Variants in VTI1A observed in about 807,000 individuals in gnomAD.
The protein encoded by VTI1A is vesicle transport through interaction with t-SNAREs 1A.
VTI1A carries 22 observed loss-of-function variants against 34.9 expected under a neutral mutation model. The ratio of observed to expected loss-of-function variants is 0.63; its 90% confidence interval spans 0.45 to 0.90. The LOEUF (loss-of-function observed/expected upper bound fraction) is 0.90, where lower values mean the gene tolerates loss of function less well. Among genes scored for constraint, VTI1A ranks in the 40% least tolerant of loss-of-function variants. The probability of loss-of-function intolerance (pLI) is 0.00; values close to 1 mark genes in which losing one functional copy is unlikely to be tolerated. For missense variants in VTI1A, 268 were observed against 275.6 expected (o/e 0.97, Z 0.20); for synonymous variants, 87 against 97.3 (o/e 0.89, Z 0.62).
rs377380504 is a variant in VTI1A, at chr10:112,503,751, C to T, written c.265-23336C>T. Among the ~76,000 whole-genome samples, 6 of 152,280 alleles carry T rather than the reference C, an allele frequency of 3.9e-5. No homozygotes were observed. In the South Asian group the frequency reaches 8.3e-4, roughly 21 times the overall value. ...AAGTTTTATTGCTTGTTGCTATCTACGTGAAATAGTGCATTTCTGTTGTAA... is the reference window on the plus strand; with the variant it reads ...AAGTTTTATTGCTTGTTGCTATCTATGTGAAATAGTGCATTTCTGTTGTAA... On this transcript the variant is annotated intron_variant, in intron 3 of 7. Transcript: ENST00000393077.
chr10:112,684,336 T>A (rs2133865421), intron 7 of VTI1A, among the ~76,000 whole-genome samples: 1 of 152,200 alleles, frequency 6.6e-6, no homozygotes, highest in East Asian at 1.9e-4. Flanking sequence ...AACATACAGG[T>A]TTTTTCTAGC....
At chr10:112,718,165 G>C (rs1246680294) in intron 7 of VTI1A, among the ~76,000 whole-genome samples, 1 of 152,142 alleles carries the variant, frequency 6.6e-6, no homozygotes, top group Non-Finnish European at 1.5e-5. Context: ...GCCAAATATT[G>C]CTCAGATCTT....
chr10:112,487,713 C>A (rs999324516), intron 3 of VTI1A, among the ~76,000 whole-genome samples: 13 of 152,130 alleles, frequency 8.5e-5, no homozygotes, highest in African/African-American at 2.7e-4. Flanking sequence ...ACTCAAAAAT[C>A]ATTACTCCAA....
intron 5 of VTI1A, among the ~76,000 whole-genome samples, chr10:112,562,313 G>A (rs1032883857): frequency 1.3e-5 from 2 of 151,884 alleles, no homozygotes; most frequent in African/African-American, 4.8e-5. Context: ...AGAATTAAAG[G>A]GCCACACTCT....
rs75356426 is a variant in VTI1A at position 112,573,332 on chromosome 10, T to C, written c.427+35002T>C. 1.1e-4 allele frequency among the ~76,000 whole-genome samples: 17 copies of C among 152,296 alleles called. No homozygotes were observed. The East Asian group carries it at 3.3e-3, about 29-fold the overall frequency. On this transcript the variant is annotated intron_variant, in intron 5 of 7. Coordinates refer to ENST00000393077, the MANE Select transcript of VTI1A (RefSeq NM_145206.4). ...CAAGACTAAGCCCTAGATCTCTTTA[T>C]TGTCCCGTTTTCCTGTCTAGTACCC...
At chr10:112,578,388 G>A (rs1017372879) in intron 5 of VTI1A, among the ~76,000 whole-genome samples, 1 of 152,164 alleles carries the variant, frequency 6.6e-6, no homozygotes, top group African/African-American at 2.4e-5. Flanking sequence ...TGAGTAAAAG[G>A]TATATATTGA....
chr10:112,702,640 G>A (rs6585174), intron 7 of VTI1A, among the ~76,000 whole-genome samples: 10,553 of 152,272 alleles, frequency 0.069, 882 homozygotes, highest in African/African-American at 0.2. Flanking sequence ...AGGCTGGAGT[G>A]CAGTGGTGTG....
At chr10:112,770,518 C>T (rs1010613764) in intron 7 of VTI1A, among the ~76,000 whole-genome samples, 7 of 151,658 alleles carry the variant, frequency 4.6e-5, no homozygotes, top group Admixed American at 4.6e-4. Context: ...GCCTCAGCCT[C>T]CTGAGTAGCT....
chr10:112,553,348 G>A (rs895432589), intron 5 of VTI1A, among the ~76,000 whole-genome samples: 2 of 152,170 alleles, frequency 1.3e-5, no homozygotes, highest in African/African-American at 2.4e-5. Context: ...GTTTTCAAAT[G>A]TATAAAAATC....
intron 5 of VTI1A, among the ~76,000 whole-genome samples, chr10:112,604,592 A>G (rs7099263): frequency 0.59 from 89,020 of 152,104 alleles, 26,748 homozygotes; most frequent in African/African-American, 0.69. Flanking sequence ...TTTTGCTTCC[A>G]CACAACCAGA....
chr10:112,591,155 G>T (rs1844371010), intron 5 of VTI1A, among the ~76,000 whole-genome samples: 1 of 152,138 alleles, frequency 6.6e-6, no homozygotes, highest in African/African-American at 2.4e-5. Context: ...ATTCTGGGCA[G>T]CATTGGCAGG....
chr10:112,669,125 C>T, intron 7 of VTI1A, 127 bp downstream of exon 7: 1 of 1,009,286 alleles, frequency 9.9e-7, no homozygotes, highest in South Asian at 1.6e-5. Flanking sequence ...GTGCAGGACC[C>T]ATTTGAAATA....
chr10:112,687,915 A>G (rs1848477530), intron 7 of VTI1A, among the ~76,000 whole-genome samples: 1 of 150,034 alleles, frequency 6.7e-6, no homozygotes, highest in African/African-American at 2.5e-5. Context: ...ACCAATGGAC[A>G]TGATATGGAA....
chr10:112,834,052 G>T, the VTI1A span, among the ~76,000 whole-genome samples: 1 of 152,080 alleles, frequency 6.6e-6, no homozygotes, highest in African/African-American at 2.4e-5. Flanking sequence ...CCTGAACCTC[G>T]TTCCCTTCCC....
chr10:112,459,915 T>C (rs1847673998), intron 1 of VTI1A, among the ~76,000 whole-genome samples: 1 of 152,192 alleles, frequency 6.6e-6, no homozygotes, highest in Admixed American at 6.5e-5. Flanking sequence ...CCCGTAGATA[T>C]TTTTTATTTC....
intron 5 of VTI1A, among the ~76,000 whole-genome samples, chr10:112,597,530 T>C (rs1040385264): frequency 2.6e-5 from 4 of 151,900 alleles, no homozygotes; most frequent in Non-Finnish European, 5.9e-5. Context: ...GGCTGTGTTT[T>C]CTTTGTCCAT....
chr10:112,503,479 A>G (rs746318017), intron 3 of VTI1A, among the ~76,000 whole-genome samples: 2 of 152,238 alleles, frequency 1.3e-5, no homozygotes, highest in Non-Finnish European at 2.9e-5. Context: ...TTCTTGCTGC[A>G]TATTGTTTAT....
At chr10:112,612,182 A>G (rs759800005) in intron 5 of VTI1A, among the ~76,000 whole-genome samples, 2 of 152,030 alleles carry the variant, frequency 1.3e-5, no homozygotes, top group Non-Finnish European at 2.9e-5. Flanking sequence ...AAAAGTGTCT[A>G]CTCTCATTTT....
At chr10:112,744,961 A>C (rs1337935086) in intron 7 of VTI1A, among the ~76,000 whole-genome samples, 1 of 152,246 alleles carries the variant, frequency 6.6e-6, no homozygotes, top group African/African-American at 2.4e-5. Flanking sequence ...CATTAAACTC[A>C]GTAAGTTATG....
Sources: gnomAD v4.1 joint callset for allele counts (sites outside exome capture counted in the v4.1 genomes callset) on GRCh38, gnomAD v4.1.1 for gene constraint, MANE v1.5 for transcripts, NCBI Gene and HGNC (gene_info 2026-07-23, HGNC 2026-07-21) for gene names.